Variants in WBP2NL observed in about 807,000 individuals in gnomAD.
WBP2NL encodes the protein WBP2 N-terminal like.
WBP2NL carries 27 observed loss-of-function variants against 23.3 expected under a neutral mutation model. That is an observed-to-expected ratio of 1.16 (90% CI 0.85 to 1.60). The LOEUF is 1.60. WBP2NL is among the 40% of genes most tolerant of loss of function. WBP2NL has a pLI of 0.00. For synonymous variants in WBP2NL, 151 were observed against 145.9 expected, an observed-to-expected ratio of 1.03 and a Z score of -0.25; for missense variants, 370 against 389.5, an observed-to-expected ratio of 0.95 and a Z score of 0.42.
chr22:42,019,839 C>T, intron 3 of WBP2NL, 36 bp downstream of exon 3: 24 of 1,606,724 alleles, frequency 1.5e-5, no homozygotes, highest in Non-Finnish European at 2.0e-5. Flanking sequence ...TTTTTTTTTC[C>T]CTCAAAATCT....
chr22:42,020,153 G>T, intron 4 of WBP2NL, 57 bp downstream of exon 4: 6 of 1,494,880 alleles, frequency 4.0e-6, no homozygotes, highest in East Asian at 2.3e-5. Context: ...TGTTTGTTTG[G>T]GTTTTTTGTT....
downstream of WBP2NL, among the ~76,000 whole-genome samples, chr22:42,035,007 C>T (rs144569370): frequency 0.05 from 7,542 of 152,222 alleles, 646 homozygotes; most frequent in African/African-American, 0.17. Flanking sequence ...TGAGACGATA[C>T]ACATCCTTCT....
chr22:42,020,893 TATATATATATATA>T (rs1569450038), intron 4 of WBP2NL, among the ~76,000 whole-genome samples: 8 of 64,160 alleles, frequency 1.2e-4, no homozygotes, highest in African/African-American at 3.8e-4. Flanking sequence ...TATATATATA[TATATATATATATA>T]TATTTTTTTT....
downstream of WBP2NL, among the ~76,000 whole-genome samples, chr22:42,037,811 G>T (rs537020284): frequency 2.0e-5 from 3 of 150,556 alleles, no homozygotes; most frequent in African/African-American, 7.4e-5. Flanking sequence ...AGTTCTACCA[G>T]TTTCGGGGGG....
At chr22:42,034,336 T>C (rs1925099337), downstream of WBP2NL, among the ~76,000 whole-genome samples, 1 of 152,150 alleles carries the variant, frequency 6.6e-6, no homozygotes, top group Admixed American at 6.5e-5. Context: ...ATTTTAAAGC[T>C]GGGCATCCGG....
chr22:42,026,818 C>G lies in WBP2NL; in HGVS notation c.567C>G (p.Tyr189Ter), dbSNP rs200571363. 276 of 1,603,810 alleles carry G rather than the reference C, an allele frequency of 1.7e-4. 1 individual carries two copies. Among genetic ancestry groups the G allele is most frequent in the Non-Finnish European group, 1.1e-4 (131 of 1,175,968 alleles). Residue 189 changes from tyrosine (Y) to a stop codon, truncating the protein, a stop_gained, in exon 6 of 6, where the codon TAC becomes TAG. Coordinates refer to ENST00000328823, the MANE Select transcript of WBP2NL (RefSeq NM_152613.3). LOFTEE classifies it low-confidence loss of function (END_TRUNC). Reference protein sequence around the residue: ...PAGYGAPPPGYGAPPAGYGAQ... With the variant: ...PAGYGAPPPG ...GATATGGAGCCCCACCTCCCGGATA[C>G]GGAGCCCCACCTGCAGGATATGGAG...
At chr22:42,014,630 G>A (rs1029956373) in intron 1 of WBP2NL, among the ~76,000 whole-genome samples, 2 of 151,734 alleles carry the variant, frequency 1.3e-5, no homozygotes, top group Admixed American at 1.3e-4. Flanking sequence ...CTTAGACTTC[G>A]TTCATTTTTT....
rs555247541 is a variant in WBP2NL at position 42,008,478 on chromosome 22, A to G, written c.62+9598A>G. The stretch of plus-strand genomic sequence containing the variant: ...CACCTTGGCCTCCCAAAGTGCTGGG[A>G]TTACAGGCATGAGCCACCATGCCTG... On this transcript the variant is annotated intron_variant, in intron 1 of 5. Coordinates refer to ENST00000328823, the MANE Select transcript of WBP2NL (RefSeq NM_152613.3). 4.6e-4 allele frequency among the ~76,000 whole-genome samples: 70 copies of G among 152,152 alleles called. 1 individual carries two copies. In the Middle Eastern group the frequency reaches 0.02, roughly 44 times the overall value.
At chr22:42,035,366 C>G (rs1242433715), downstream of WBP2NL, among the ~76,000 whole-genome samples, 5 of 152,238 alleles carry the variant, frequency 3.3e-5, no homozygotes, top group Admixed American at 2.6e-4. Flanking sequence ...GGAGCTCCCA[C>G]CTGCCCCTCT....
intron 1 of WBP2NL, among the ~76,000 whole-genome samples, chr22:42,013,001 AAAC>A (rs1420997438): frequency 1.3e-5 from 2 of 151,702 alleles, no homozygotes; most frequent in African/African-American, 4.8e-5. Context: ...CAAAAAAAAA[AAAC>A]AACGGAGTGT....
downstream of WBP2NL, among the ~76,000 whole-genome samples, chr22:42,034,241 GC>G (rs1408942466): frequency 6.6e-6 from 1 of 152,240 alleles, no homozygotes; most frequent in African/African-American, 2.4e-5. Context: ...CGGGGGACCT[GC>G]CCCAATAATC....
At chr22:42,029,363 A>G (rs1415585494), downstream of WBP2NL, among the ~76,000 whole-genome samples, 1 of 150,984 alleles carries the variant, frequency 6.6e-6, no homozygotes, top group African/African-American at 2.4e-5. Context: ...ATTTAAATCA[A>G]TATATTTTCT....
chr22:42,041,993 T>G (rs1183503424), intron 8 of WBP2NL, among the ~76,000 whole-genome samples: 1 of 152,244 alleles, frequency 6.6e-6, no homozygotes, highest in Non-Finnish European at 1.5e-5. Flanking sequence ...TTGGAACATA[T>G]TATCCCATTC....
chr22:42,033,915 A>G (rs1925084463), downstream of WBP2NL, among the ~76,000 whole-genome samples: 1 of 152,154 alleles, frequency 6.6e-6, no homozygotes, highest in Non-Finnish European at 1.5e-5. Flanking sequence ...AGTCCATGGG[A>G]CTGGCATCCT....
At position 42,046,616 on chromosome 22, in the gene WBP2NL, C is replaced by G. The variant is rs574520135; in HGVS notation, c.*274-11674C>G. Among the ~76,000 whole-genome samples the G allele has an allele frequency of 7.9e-3, 1,203 of 152,314 alleles. 12 individuals carry two copies. The highest frequency in any genetic ancestry group is 0.011 in the Non-Finnish European group (759 of 68,020). On this transcript the variant is annotated intron_variant and NMD_transcript_variant, in intron 8 of 8. Transcript: ENST00000436265. ...TTTAAAAATATTGGACATCTTCAATCTTAAACATTTCTATTTAGCTGATTG... is the reference window on the plus strand; with the variant it reads ...TTTAAAAATATTGGACATCTTCAATGTTAAACATTTCTATTTAGCTGATTG...
chr22:42,020,908 A>ATTTTTTT (rs1161784270), intron 4 of WBP2NL, among the ~76,000 whole-genome samples: 1 of 11,230 alleles, frequency 8.9e-5, no homozygotes, highest in African/African-American at 5.0e-4. Context: ...ATATATATAT[A>ATTTTTTT]TTTTTTTTTT....
intron 1 of WBP2NL, among the ~76,000 whole-genome samples, chr22:42,012,576 G>A (rs1033956911): frequency 7.9e-5 from 12 of 152,062 alleles, no homozygotes; most frequent in South Asian, 2.1e-4. Context: ...AAAATATAGC[G>A]TTTCTTGTAT....
intron 8 of WBP2NL, among the ~76,000 whole-genome samples, chr22:42,044,344 T>G (rs760129099): frequency 6.6e-6 from 1 of 152,110 alleles, no homozygotes; most frequent in Non-Finnish European, 1.5e-5. Flanking sequence ...ATGCTGAGAT[T>G]ATAAGCATGT....
intron 8 of WBP2NL, among the ~76,000 whole-genome samples, chr22:42,045,867 T>A (rs1925567969): frequency 6.6e-6 from 1 of 152,264 alleles, no homozygotes; most frequent in Non-Finnish European, 1.5e-5. Flanking sequence ...TTTAAAATGC[T>A]TGACTTTCCC....
Sources: gnomAD v4.1 joint callset for allele counts (sites outside exome capture counted in the v4.1 genomes callset) on GRCh38, gnomAD v4.1.1 for gene constraint, MANE v1.5 for transcripts, NCBI Gene and HGNC (gene_info 2026-07-23, HGNC 2026-07-21) for gene names.